Variants in NKTR observed in about 807,000 individuals in gnomAD.
NKTR encodes natural killer cell triggering receptor, also known as NK-tumor recognition protein.
A neutral mutation model predicts 156.3 loss-of-function variants in NKTR; 67 were observed. The observed-to-expected ratio is 0.43, with a 90% CI of 0.35 to 0.53. The LOEUF (loss-of-function observed/expected upper bound fraction) is 0.53, where lower values mean the gene tolerates loss of function less well. NKTR is among the 20% of genes least tolerant of loss of function. NKTR has a pLI of 0.01. For missense variants in NKTR, 1,604 were observed against 1,730.9 expected, an observed-to-expected ratio of 0.93 and a Z score of 1.30; for synonymous variants, 640 against 596.6, an observed-to-expected ratio of 1.07 and a Z score of -1.06.
Position 42,639,128 on chromosome 3 carries a change from G to A in NKTR, c.3424G>A (p.Val1142Ile), listed in dbSNP as rs1231660661. 2 of 1,614,170 alleles carry A rather than the reference G, an allele frequency of 1.2e-6. No individual in the cohort carries two copies. The highest frequency in any genetic ancestry group is 1.7e-6 in the Non-Finnish European group (2 of 1,180,006). The change falls in exon 13 of 17, where the codon GTA becomes ATA. Residue 1142 changes from valine (V) to isoleucine (I), a missense_variant. Physicochemically the swap from Val to Ile is conservative, Grantham distance 29. Around this residue, in one of 6 missense-constraint regions of NKTR, gnomAD observed 1,255 missense variants for 1,243.7 expected, o/e 1.01. Coordinates refer to ENST00000232978, the MANE Select transcript of NKTR (RefSeq NM_005385.4). ...TCCTGATAGGAGTTCCCCAGCAAAA[G>A]TAGAGGAGACTTCCCCTCTAGGAAA... ...CTPDRSSPAK[V>I]EETSPLGNAR...
At chr3:42,619,827 G>T in intron 5 of NKTR, 119 bp downstream of exon 5, 2 of 1,499,794 alleles carry the variant, frequency 1.3e-6, no homozygotes, top group Non-Finnish European at 1.8e-6. Context: ...AACTAATGCT[G>T]CATGAAAATA....
At chr3:42,621,804 C>G (rs1246544367) in intron 6 of NKTR, among the ~76,000 whole-genome samples, 2 of 151,816 alleles carry the variant, frequency 1.3e-5, no homozygotes, top group Non-Finnish European at 2.9e-5. Context: ...CTGTCAAATT[C>G]GAGTGCTGAC....
intron 2 of NKTR, among the ~76,000 whole-genome samples, chr3:42,617,100 GGCT>G (rs1415356925): frequency 3.3e-5 from 5 of 152,062 alleles, no homozygotes; most frequent in Non-Finnish European, 7.4e-5. Flanking sequence ...TCAGGAAGGT[GGCT>G]CTTAACAGTT....
chr3:42,636,063 A>G (rs1279373591), intron 12 of NKTR, among the ~76,000 whole-genome samples: 2 of 152,200 alleles, frequency 1.3e-5, no homozygotes, highest in Non-Finnish European at 2.9e-5. Flanking sequence ...AGAAGTGTAC[A>G]CATCTCTTAC....
chr3:42,606,000 G>A (rs898832817), intron 2 of NKTR, among the ~76,000 whole-genome samples: 1 of 152,154 alleles, frequency 6.6e-6, no homozygotes, highest in Non-Finnish European at 1.5e-5. Flanking sequence ...ATAAGCAGGT[G>A]GGGAAGAGTG....
Position 42,643,446 on chromosome 3 carries a change from GT to G in NKTR, c.4199+55del, listed in dbSNP as rs776089274. ...CAGTGGGGCAGAACTGAAAGATCTT[GT>G]TTTGTAAACTGTTTGTTCAAAGTGG... On this transcript the variant is annotated intron_variant, in intron 15 of 16. Coordinates refer to ENST00000232978, the MANE Select transcript of NKTR (RefSeq NM_005385.4). 5.5e-6 allele frequency: 8 copies of G among 1,444,636 alleles called. No homozygotes were observed. In the East Asian group the frequency reaches 9.1e-5, roughly 16 times the overall value. 89.5% of individuals were successfully genotyped at this position (1,444,636 alleles called of 1,614,324 possible). A position where few individuals can be genotyped will look rare whatever the true frequency, so the allele number is the denominator to read the frequency against.
At chr3:42,621,758 G>A (rs17074662) in intron 6 of NKTR, among the ~76,000 whole-genome samples, 26,127 of 151,634 alleles carry the variant, frequency 0.17, 2,726 homozygotes, top group African/African-American at 0.29. Flanking sequence ...AAAATATGCC[G>A]TCATCTTCAG....
intron 2 of NKTR, among the ~76,000 whole-genome samples, chr3:42,604,595 CAGG>C (rs1416692299): frequency 6.8e-6 from 1 of 147,736 alleles, no homozygotes; most frequent in Non-Finnish European, 1.5e-5. Context: ...TATTGATTAC[CAGG>C]AGAAGAGTAT....
chr3:42,622,433 G>A (rs1226577941), intron 6 of NKTR, among the ~76,000 whole-genome samples: 1 of 151,968 alleles, frequency 6.6e-6, no homozygotes, highest in Admixed American at 6.6e-5. Flanking sequence ...CATTTTCTTT[G>A]TCATCTTTCT....
chr3:42,611,121 C>A (rs1264768901), intron 2 of NKTR: 1 of 152,106 alleles, frequency 6.6e-6, no homozygotes, highest in Non-Finnish European at 1.5e-5. Flanking sequence ...GCTCTAACAT[C>A]TGACCTCATT....
rs1710398468 is a variant in NKTR, at chr3:42,647,267, A to AGAGTGTGTGTGT, written c.*1293_*1294insAGTGTGTGTGTG. The AGAGTGTGTGTGT allele has an allele frequency of 9.7e-6, 1 of 102,974 alleles. No homozygotes were observed. Among genetic ancestry groups the AGAGTGTGTGTGT allele is most frequent in the South Asian group, 4.0e-4 (1 of 2,516 alleles). 6.4% of individuals were successfully genotyped at this position (102,974 alleles called of 1,614,324 possible). A position where few individuals can be genotyped will look rare whatever the true frequency, so the allele number is the denominator to read the frequency against. On this transcript the variant is annotated 3_prime_UTR_variant, in exon 17 of 17. Coordinates refer to ENST00000232978, the MANE Select transcript of NKTR (RefSeq NM_005385.4). ...AAAAATAATTGGACCTGTAAAAACT[A>AGAGTGTGTGTGT]GTGTGTGTGTGTGTGTGTGTGTGTG...
chr3:42,634,363 TA>T (rs1348324191), intron 10 of NKTR, among the ~76,000 whole-genome samples: 1 of 152,240 alleles, frequency 6.6e-6, no homozygotes, highest in Non-Finnish European at 1.5e-5. Context: ...GTGTCATTGA[TA>T]AGTTCCCTAT....
chr3:42,608,350 A>G (rs962073054), intron 2 of NKTR, among the ~76,000 whole-genome samples: 7 of 152,124 alleles, frequency 4.6e-5, no homozygotes, highest in African/African-American at 1.7e-4. Context: ...GTAATTTGCT[A>G]GAGCAGCTCA....
intron 2 of NKTR, among the ~76,000 whole-genome samples, chr3:42,614,248 G>A (rs1019213863): frequency 6.6e-6 from 1 of 152,142 alleles, no homozygotes; most frequent in African/African-American, 2.4e-5. Flanking sequence ...ACAGAGATGG[G>A]GTTACTGTCA....
At chr3:42,611,748 AAT>A (rs1491241931) in intron 2 of NKTR, among the ~76,000 whole-genome samples, 6 of 151,070 alleles carry the variant, frequency 4.0e-5, no homozygotes, top group African/African-American at 1.5e-4. Context: ...AAAAAAAAAA[AAT>A]GTATGCCTAA....
Position 42,638,913 on chromosome 3 carries a change from A to G in NKTR, c.3209A>G (p.His1070Arg), listed in dbSNP as rs369416790. ...KSSEEDLSGKHDTVTVSSDLD... is the reference protein window; with the variant it reads ...KSSEEDLSGKRDTVTVSSDLD... ...AGTGAAGAGGACCTTTCAGGTAAACATGATACAGTGACTGTTTCATCAGAT... is the reference window on the plus strand; with the variant it reads ...AGTGAAGAGGACCTTTCAGGTAAACGTGATACAGTGACTGTTTCATCAGAT... Residue 1070 changes from histidine to arginine, a missense_variant, in exon 13 of 17, where the codon CAT (histidine) becomes CGT (arginine). By Grantham distance (29) the His-to-Arg change is conservative. Around this residue, in one of 6 missense-constraint regions of NKTR, gnomAD observed 1,255 missense variants for 1,243.7 expected, o/e 1.01. Transcript: ENST00000232978. 6.8e-6 allele frequency: 11 copies of G among 1,613,076 alleles called. No individual in the cohort carries two copies. The African/African-American group carries it at 1.1e-4, about 16-fold the overall frequency.
chr3:42,604,499 T>C (rs1705994169), intron 2 of NKTR, among the ~76,000 whole-genome samples: 1 of 151,894 alleles, frequency 6.6e-6, no homozygotes, highest in African/African-American at 2.4e-5. Flanking sequence ...TGTACATTTT[T>C]GTGTAGTGTG....
At chr3:42,620,082 G>C (rs760849991) in intron 5 of NKTR, 1 of 1,531,918 alleles carries the variant, frequency 6.5e-7, no homozygotes, top group Non-Finnish European at 8.7e-7. Context: ...CTCCAATTCT[G>C]TTCCCTTGCA....
Position 42,638,296 on chromosome 3 carries a change from T to C in NKTR, c.2592T>C (p.Asn864=). ...PHSKKRTLKE[N]LSDHLRNGSK... ...CAAAAAAAAGAACTTTGAAAGAGAA[T>C]CTTTCTGATCACCTTAGAAATGGCA... The change falls in exon 13 of 17, where the codon AAT becomes AAC. Residue 864 remains asparagine, a synonymous_variant. Coordinates refer to ENST00000232978, the MANE Select transcript of NKTR (RefSeq NM_005385.4). 1.2e-6 allele frequency: 2 copies of C among 1,606,544 alleles called. No homozygotes were observed. Among genetic ancestry groups the C allele is most frequent in the Non-Finnish European group, 1.7e-6 (2 of 1,178,138 alleles).
Sources: gnomAD v4.1 joint callset for allele counts (sites outside exome capture counted in the v4.1 genomes callset) on GRCh38, gnomAD v4.1.1 for gene constraint, gnomAD v4.1.1 regional missense constraint, MANE v1.5 for transcripts, NCBI Gene and HGNC (gene_info 2026-07-23, HGNC 2026-07-21) for gene names.